Variants in ABTB2 observed in about 807,000 individuals in gnomAD.
ABTB2 encodes the protein ankyrin repeat and BTB/POZ domain-containing protein 2.
A neutral mutation model predicts 104.1 loss-of-function variants in ABTB2; 56 were observed. That is an observed-to-expected ratio of 0.54 (90% confidence interval 0.43 to 0.67). The LOEUF (loss-of-function observed/expected upper bound fraction) is 0.67, where lower values mean the gene tolerates loss of function less well. Among genes scored for constraint, ABTB2 ranks in the 30% least tolerant of loss-of-function variants. The pLI, the probability that ABTB2 is intolerant of heterozygous loss-of-function variation, is 0.00. For synonymous variants in ABTB2, 606 were observed against 608.2 expected (o/e 1.00, Z 0.05); for missense variants, 1,279 against 1,407.7 (o/e 0.91, Z 1.46).
At chr11:34,351,005 C>T (rs950649096) in intron 1 of ABTB2, among the ~76,000 whole-genome samples, 1 of 152,182 alleles carries the variant, frequency 6.6e-6, no homozygotes, top group Non-Finnish European at 1.5e-5. Context: ...GTGGAAAAGT[C>T]AGACCTATTA....
chr11:34,303,318 A>G (rs1158774506), intron 1 of ABTB2, among the ~76,000 whole-genome samples: 1 of 152,218 alleles, frequency 6.6e-6, no homozygotes, highest in African/African-American at 2.4e-5. Context: ...ACAGCCTACA[A>G]ATGTTTTCTA....
At chr11:34,172,162 C>T (rs1852883228) in intron 4 of ABTB2, among the ~76,000 whole-genome samples, 1 of 151,738 alleles carries the variant, frequency 6.6e-6, no homozygotes, top group African/African-American at 2.4e-5. Context: ...CACCTGGGGT[C>T]AGGAATTTGA....
intron 1 of ABTB2, among the ~76,000 whole-genome samples, chr11:34,341,779 G>A (rs931893411): frequency 2.6e-5 from 4 of 152,104 alleles, no homozygotes; most frequent in Admixed American, 2.6e-4. Context: ...AGGCCTCAGT[G>A]TGAACGGAAA....
rs1852541928 is a variant in ABTB2, at chr11:34,151,741, A to C, written c.*646T>G. On this transcript the variant is annotated 3_prime_UTR_variant, in exon 17 of 17. Transcript: ENST00000435224. The stretch of plus-strand genomic sequence containing the variant: ...CAAGCTGGTAGTCCTGATGGGAGGG[A>C]CTCTGGAAGCCCAGGCACCAAAGAC... The C allele has an allele frequency of 6.6e-6, 1 of 152,490 alleles. No individual in the cohort carries two copies. The highest frequency in any genetic ancestry group is 1.5e-5 in the Non-Finnish European group (1 of 68,532). 9.4% of individuals were successfully genotyped at this position (152,490 alleles called of 1,614,324 possible). A position where few individuals can be genotyped will look rare whatever the true frequency, so the allele number is the denominator to read the frequency against.
At chr11:34,314,116 A>G (rs1214446909) in intron 1 of ABTB2, among the ~76,000 whole-genome samples, 5 of 152,164 alleles carry the variant, frequency 3.3e-5, no homozygotes, top group Non-Finnish European at 7.3e-5. Context: ...GATGAGGGAA[A>G]CTACTACCTG....
chr11:34,306,615 TGAG>T (rs1186852581), intron 1 of ABTB2, among the ~76,000 whole-genome samples: 1 of 151,886 alleles, frequency 6.6e-6, no homozygotes, highest in Non-Finnish European at 1.5e-5. Flanking sequence ...TCCCAGCTAC[TGAG>T]GAGGCTGAGG....
At chr11:34,265,759 A>G (rs1447764435) in intron 1 of ABTB2, among the ~76,000 whole-genome samples, 1 of 151,134 alleles carries the variant, frequency 6.6e-6, no homozygotes, top group Non-Finnish European at 1.5e-5. Context: ...ATCTGAGGTC[A>G]GGAGTTCGAG....
intron 1 of ABTB2, among the ~76,000 whole-genome samples, chr11:34,294,341 G>C (rs1240979556): frequency 1.3e-5 from 2 of 152,192 alleles, no homozygotes; most frequent in Middle Eastern, 3.4e-3. Flanking sequence ...AAAGAAAAGA[G>C]AGAGATCAAG....
intron 1 of ABTB2, among the ~76,000 whole-genome samples, chr11:34,298,124 GT>G (rs1854648928): frequency 6.7e-6 from 1 of 150,016 alleles, no homozygotes; most frequent in Non-Finnish European, 1.5e-5. Context: ...AGTCTCAGGT[GT>G]TTTGTTATAA....
At chr11:34,215,151 C>T (rs10768052) in intron 1 of ABTB2, among the ~76,000 whole-genome samples, 83,698 of 152,110 alleles carry the variant, frequency 0.55, 24,720 homozygotes, top group Non-Finnish European at 0.66. Flanking sequence ...CTACAGTGGC[C>T]GAATCACCAC....
chr11:34,182,970 C>T (rs1213209956), intron 3 of ABTB2, among the ~76,000 whole-genome samples: 1 of 152,124 alleles, frequency 6.6e-6, no homozygotes, highest in East Asian at 1.9e-4. Context: ...TGGGCAGTGT[C>T]CCTGAGTCTA....
intron 1 of ABTB2, among the ~76,000 whole-genome samples, chr11:34,318,856 C>T (rs1854969737): frequency 6.6e-6 from 1 of 152,160 alleles, no homozygotes; most frequent in Non-Finnish European, 1.5e-5. Flanking sequence ...AATCTATAAA[C>T]CCCCCTGTTT....
intron 13 of ABTB2, 56 bp from the exon 14 acceptor site, chr11:34,159,442 G>T: frequency 2.6e-6 from 3 of 1,168,780 alleles, no homozygotes; most frequent in Non-Finnish European, 2.6e-6. Flanking sequence ...TCACCACTGT[G>T]TGGCGATGGC....
chr11:34,247,955 C>A (rs1418664322), intron 1 of ABTB2, among the ~76,000 whole-genome samples: 1 of 152,114 alleles, frequency 6.6e-6, no homozygotes, highest in South Asian at 2.1e-4. Context: ...CATGTATATG[C>A]TGTGTATTAC....
At chr11:34,167,143 G>C (rs1442493875) in intron 7 of ABTB2, 116 bp downstream of exon 7, 22 of 969,124 alleles carry the variant, frequency 2.3e-5, no homozygotes, top group Non-Finnish European at 2.2e-5. Context: ...CTCAAGCAGT[G>C]CCTTTGGGAT....
intron 3 of ABTB2, among the ~76,000 whole-genome samples, chr11:34,176,166 G>C (rs952284256): frequency 2.0e-5 from 3 of 150,572 alleles, no homozygotes; most frequent in African/African-American, 7.3e-5. Flanking sequence ...TGTAGTTCCG[G>C]CTACTCAGGA....
At chr11:34,187,783 T>G (rs779825771) in intron 3 of ABTB2, among the ~76,000 whole-genome samples, 10 of 152,152 alleles carry the variant, frequency 6.6e-5, no homozygotes, top group African/African-American at 1.2e-4. Context: ...GCCTCTCATC[T>G]TTCTCACTCA....
chr11:34,207,977 G>T (rs1853430154), intron 1 of ABTB2, among the ~76,000 whole-genome samples: 1 of 152,178 alleles, frequency 6.6e-6, no homozygotes, highest in Admixed American at 6.5e-5. Context: ...AAACTCTACA[G>T]ACAAAAAGCT....
rs1590214024 is a variant in ABTB2, at chr11:34,197,543, T to C, written c.1031-5A>G. The C allele has an allele frequency of 6.4e-7, 1 of 1,552,406 alleles. No individual in the cohort carries two copies. ...TGGCACGGGAGACCAAGTCACCTGG[T>C]GGGGGGCGGGGAGGGCAGAGGGGAG... On this transcript the variant is annotated splice_region_variant and splice_polypyrimidine_tract_variant and intron_variant, in intron 2 of 16. Transcript: ENST00000435224.
Sources: gnomAD v4.1 joint callset for allele counts (sites outside exome capture counted in the v4.1 genomes callset) on GRCh38, gnomAD v4.1.1 for gene constraint, MANE v1.5 for transcripts, NCBI Gene and HGNC (gene_info 2026-07-23, HGNC 2026-07-21) for gene names.